The following ADGRL2 variants were observed in gnomAD, a reference collection of about 807,000 sequenced individuals.
ADGRL2 encodes the protein calcium-independent alpha-latrotoxin receptor 2.
In ADGRL2, 44 loss-of-function variants were observed where a neutral mutation model predicts 157.4. That is an observed-to-expected ratio of 0.28 (90% CI 0.22 to 0.36). ADGRL2 has a LOEUF of 0.36. ADGRL2 is among the 10% of genes least tolerant of loss of function. The pLI, the probability that ADGRL2 is intolerant of heterozygous loss-of-function variation, is 1.00. For missense variants in ADGRL2, 1,510 were observed against 1,768.9 expected (o/e 0.85, Z 2.63); for synonymous variants, 585 against 624.7 (o/e 0.94, Z 0.95).
chr1:81,986,881 GTTT>G lies in ADGRL2; in HGVS notation c.3509-10_3509-8del, dbSNP rs749897834. 3 of 1,196,164 alleles carry G rather than the reference GTTT, an allele frequency of 2.5e-6. No individual in the cohort carries two copies. The highest frequency in any genetic ancestry group is 4.5e-5 in the Admixed American group (2 of 44,760). The allele number at this position is 1,196,164 out of a possible 1,614,324, so 74.1% of individuals were successfully genotyped here. Reference sequence around the variant, plus strand: ...ATGTACTTTTCTCTGTTTTTTTGTTGTTTTTTTTTTTTACTTTAGGAATGACTG... The same window carrying G: ...ATGTACTTTTCTCTGTTTTTTTGTTGTTTTTTTTTACTTTAGGAATGACTG... On this transcript the variant is annotated splice_polypyrimidine_tract_variant and intron_variant, in intron 21 of 23. Transcript: ENST00000686636.
At chr1:81,963,083 G>T (rs934488993) in intron 11 of ADGRL2, among the ~76,000 whole-genome samples, 11 of 151,772 alleles carry the variant, frequency 7.2e-5, no homozygotes, top group African/African-American at 2.7e-4. Context: ...TTTTTCTTAG[G>T]TCTTCTTATA....
chr1:81,793,594 C>T (rs1236740534), intron 2 of ADGRL2, among the ~76,000 whole-genome samples: 1 of 151,976 alleles, frequency 6.6e-6, no homozygotes, highest in Non-Finnish European at 1.5e-5. Context: ...TATTTTACTT[C>T]CAAATTTTGA....
intron 1 of ADGRL2, among the ~76,000 whole-genome samples, chr1:81,440,463 A>G (rs777424341): frequency 6.6e-6 from 1 of 152,136 alleles, no homozygotes; most frequent in Non-Finnish European, 1.5e-5. Flanking sequence ...TAATTATGCC[A>G]TTTCTCAGAA....
intron 1 of ADGRL2, among the ~76,000 whole-genome samples, chr1:81,429,048 A>T (rs12092531): frequency 0.16 from 24,750 of 152,106 alleles, 2,153 homozygotes; most frequent in South Asian, 0.29. Context: ...ACCTATTCAC[A>T]TTCCCATATA....
intron 2 of ADGRL2, among the ~76,000 whole-genome samples, chr1:81,556,708 C>T (rs563646422): frequency 6.6e-6 from 1 of 151,926 alleles, no homozygotes; most frequent in Non-Finnish European, 1.5e-5. Context: ...AATAGTGGAA[C>T]ATTTTTCAAT....
chr1:81,617,934 G>A (rs1046471350), intron 3 of ADGRL2, among the ~76,000 whole-genome samples: 1 of 152,160 alleles, frequency 6.6e-6, no homozygotes, highest in African/African-American at 2.4e-5. Flanking sequence ...AATGTGGAAG[G>A]AGCAACACCC....
rs59062091 is a variant in ADGRL2 at position 81,505,740 on chromosome 1, CAAAA to C, written c.-248+60671_-248+60674del. Among the ~76,000 whole-genome samples the C allele has an allele frequency of 5.2e-4, 44 of 85,070 alleles. No homozygotes were observed. In the Middle Eastern group the frequency reaches 0.023, roughly 45 times the overall value. 55.8% of individuals were successfully genotyped at this position (85,070 alleles called of 152,430 possible). A position where few individuals can be genotyped will look rare whatever the true frequency, so the allele number is the denominator to read the frequency against. ...AATAAATACCTCAGATGTCCTCCTGCAAAAAAAAAAAAAAAAAAAAAAATAGGAG... is the reference window on the plus strand; with the variant it reads ...AATAAATACCTCAGATGTCCTCCTGCAAAAAAAAAAAAAAAAAAATAGGAG... On this transcript the variant is annotated intron_variant, in intron 2 of 24. Transcript: ENST00000370721.
In ADGRL2 at chr1:81,993,468, T is replaced by G. The variant is rs912882712; in HGVS notation, c.*2323T>G. ...TGATTATTCAGTTAGTCCTATTTCT[T>G]TCTCTTGAGGCAGTTCTCAAAACTC... On this transcript the variant is annotated 3_prime_UTR_variant, in exon 24 of 24. Transcript: ENST00000686636. 2.0e-5 allele frequency among the ~76,000 whole-genome samples: 3 copies of G among 152,098 alleles called. No homozygotes were observed. Among genetic ancestry groups the G allele is most frequent in the Non-Finnish European group, 2.9e-5 (2 of 68,022 alleles).
chr1:81,380,338 G>T (rs2076322845), intron 1 of ADGRL2, among the ~76,000 whole-genome samples: 1 of 152,086 alleles, frequency 6.6e-6, no homozygotes, highest in South Asian at 2.1e-4. Flanking sequence ...AACGTAGAAT[G>T]GGATATTCTT....
chr1:81,652,442 C>A (rs1183043772), intron 3 of ADGRL2, among the ~76,000 whole-genome samples: 1 of 151,896 alleles, frequency 6.6e-6, no homozygotes, highest in African/African-American at 2.4e-5. Flanking sequence ...AACACCTGAA[C>A]AATTAATGTA....
Position 81,787,786 on chromosome 1 carries a change from G to C in ADGRL2, c.-101+25934G>C, listed in dbSNP as rs2087127413. ...GACTAAGTCAATCAGTACAAATAAA[G>C]GGGCAATATAATTTCAATATGACCT... On this transcript the variant is annotated intron_variant, in intron 2 of 20. Transcript: ENST00000359929. 2.0e-5 allele frequency among the ~76,000 whole-genome samples: 3 copies of C among 152,072 alleles called. No homozygotes were observed. The South Asian group carries it at 6.2e-4, about 32-fold the overall frequency.
rs2092294065 is a variant in ADGRL2, at chr1:81,836,580, AG to A, written c.-100-302del. 2.0e-5 allele frequency among the ~76,000 whole-genome samples: 3 copies of A among 152,212 alleles called. No individual in the cohort carries two copies. In the South Asian group the frequency reaches 6.2e-4, roughly 32 times the overall value. On this transcript the variant is annotated intron_variant, in intron 1 of 23. Coordinates refer to ENST00000686636, the MANE Select transcript of ADGRL2 (RefSeq NM_001366006.2). ...TAGGGGCTATGAATACCTAGCAGTCAGGGAAATAAGTTTGATTTGGTGATTA... is the reference window on the plus strand; with the variant it reads ...TAGGGGCTATGAATACCTAGCAGTCAGGAAATAAGTTTGATTTGGTGATTA...
intron 1 of ADGRL2, among the ~76,000 whole-genome samples, chr1:81,701,343 T>G (rs564827205): frequency 6.6e-6 from 1 of 152,190 alleles, no homozygotes; most frequent in Non-Finnish European, 1.5e-5. Flanking sequence ...ATTTCATAAT[T>G]AGTGAAACTA....
chr1:81,497,264 A>G (rs1348000566), intron 2 of ADGRL2, among the ~76,000 whole-genome samples: 1 of 152,222 alleles, frequency 6.6e-6, no homozygotes, highest in East Asian at 1.9e-4. Context: ...CACTTTTAAT[A>G]AATGCATTTG....
At chr1:81,944,098 G>T (rs927950944) in intron 6 of ADGRL2, among the ~76,000 whole-genome samples, 1 of 151,908 alleles carries the variant, frequency 6.6e-6, no homozygotes, top group African/African-American at 2.4e-5. Context: ...TACAATCTAT[G>T]TTCAGACCTT....
intron 11 of ADGRL2, among the ~76,000 whole-genome samples, chr1:81,964,408 A>C (rs186381995): frequency 1.8e-4 from 28 of 152,218 alleles, no homozygotes; most frequent in Admixed American, 1.6e-3. Flanking sequence ...GAGTCTGAGA[A>C]CAGTTCATCC....
At chr1:81,784,369 A>G (rs1180221340) in intron 2 of ADGRL2, among the ~76,000 whole-genome samples, 1 of 152,232 alleles carries the variant, frequency 6.6e-6, no homozygotes, top group Non-Finnish European at 1.5e-5. Context: ...GGTATTTACC[A>G]TATTCTTGAC....
At chr1:81,442,534 A>G (rs76830381) in intron 1 of ADGRL2, among the ~76,000 whole-genome samples, 15,811 of 152,256 alleles carry the variant, frequency 0.1, 894 homozygotes, top group South Asian at 0.13. Flanking sequence ...CTATCTGTAA[A>G]TGTACTTAAT....
intron 1 of ADGRL2, among the ~76,000 whole-genome samples, chr1:81,823,868 T>TA (rs2091227320): frequency 6.6e-6 from 1 of 152,024 alleles, no homozygotes; most frequent in Admixed American, 6.6e-5. Flanking sequence ...AAATAATATT[T>TA]AAAAAAGAAA....
Sources: gnomAD v4.1 joint callset for allele counts (sites outside exome capture counted in the v4.1 genomes callset) on GRCh38, gnomAD v4.1.1 for gene constraint, MANE v1.5 for transcripts, NCBI Gene and HGNC (gene_info 2026-07-23, HGNC 2026-07-21) for gene names.